GRM8: variants seen among roughly 807,000 people sequenced by gnomAD.
GRM8 encodes metabotropic glutamate receptor 8.
A neutral mutation model predicts 87.2 loss-of-function variants in GRM8; 47 were observed. That is an observed-to-expected ratio of 0.54 (90% confidence interval 0.43 to 0.69). The LOEUF is 0.69. Among genes scored for constraint, GRM8 ranks in the 30% least tolerant of loss-of-function variants. GRM8 has a pLI of 0.00. For synonymous variants in GRM8, 396 were observed against 404.5 expected, an observed-to-expected ratio of 0.98 and a Z score of 0.25; for missense variants, 1,019 against 1,139.2, an observed-to-expected ratio of 0.89 and a Z score of 1.52.
chr7:127,015,001 A>AAAGAAGAAGAAGAAGAAG (rs538403014), intron 3 of GRM8, among the ~76,000 whole-genome samples: 4 of 59,702 alleles, frequency 6.7e-5, no homozygotes, highest in East Asian at 4.9e-4. Context: ...GAAGAAGAAG[A>AAAGAAGAAGAAGAAGAAG]AAGAAGAAGA....
intron 6 of GRM8, among the ~76,000 whole-genome samples, chr7:126,794,953 C>T (rs1385790405): frequency 1.3e-5 from 2 of 152,176 alleles, no homozygotes; most frequent in Non-Finnish European, 2.9e-5. Flanking sequence ...GGTCAGACCT[C>T]AGCCCAGAGC....
intron 8 of GRM8, among the ~76,000 whole-genome samples, chr7:126,606,536 C>T (rs545151178): frequency 6.6e-6 from 1 of 152,268 alleles, no homozygotes; most frequent in Admixed American, 6.5e-5. Flanking sequence ...TTGCCAAGCA[C>T]TCTACTACTC....
chr7:127,150,958 G>GT (rs1387244012), intron 2 of GRM8, among the ~76,000 whole-genome samples: 1 of 152,036 alleles, frequency 6.6e-6, no homozygotes. Flanking sequence ...GAAGGTTGTT[G>GT]TTTTTTTGTT....
chr7:126,850,819 G>T (rs919498236), intron 6 of GRM8, among the ~76,000 whole-genome samples: 24 of 152,106 alleles, frequency 1.6e-4, no homozygotes, highest in African/African-American at 5.1e-4. Flanking sequence ...CCCAATGTTG[G>T]TGTTCAATGC....
intron 3 of GRM8, among the ~76,000 whole-genome samples, chr7:126,949,560 A>T (rs1200132493): frequency 6.6e-6 from 1 of 152,230 alleles, no homozygotes; most frequent in African/African-American, 2.4e-5. Flanking sequence ...CTGTCCTCGA[A>T]TATCTCCATG....
chr7:126,673,401 C>A (rs1477175365), intron 7 of GRM8, among the ~76,000 whole-genome samples: 1 of 152,148 alleles, frequency 6.6e-6, no homozygotes, highest in African/African-American at 2.4e-5. Flanking sequence ...GATGTATACA[C>A]AGGTGTCTTG....
At chr7:127,239,295 AT>A (rs1394599904) in intron 2 of GRM8, among the ~76,000 whole-genome samples, 1 of 152,222 alleles carries the variant, frequency 6.6e-6, no homozygotes, top group African/African-American at 2.4e-5. Flanking sequence ...TAAAACCCCA[AT>A]TTATGTTTAT....
chr7:127,198,470 G>C (rs1054771496), intron 2 of GRM8, among the ~76,000 whole-genome samples: 4 of 152,148 alleles, frequency 2.6e-5, no homozygotes, highest in African/African-American at 9.7e-5. Flanking sequence ...TTGTACAGCT[G>C]CTGGGAAGGC....
At chr7:126,560,336 CAGAAA>C (rs576684767) in intron 8 of GRM8, among the ~76,000 whole-genome samples, 2 of 152,136 alleles carry the variant, frequency 1.3e-5, no homozygotes, top group African/African-American at 4.8e-5. Context: ...AATGGAAACT[CAGAAA>C]AGAATAGAGA....
chr7:127,239,307 T>C (rs1439994649), intron 2 of GRM8, among the ~76,000 whole-genome samples: 1 of 152,240 alleles, frequency 6.6e-6, no homozygotes, highest in African/African-American at 2.4e-5. Flanking sequence ...TTATGTTTAT[T>C]GTTGAGTAGG....
At chr7:126,557,334 C>T (rs950216691) in intron 8 of GRM8, among the ~76,000 whole-genome samples, 17 of 152,202 alleles carry the variant, frequency 1.1e-4, no homozygotes, top group African/African-American at 4.1e-4. Context: ...ATGTATCTGA[C>T]AGAGACGGGC....
At chr7:126,854,647 T>C (rs999155371) in intron 6 of GRM8, among the ~76,000 whole-genome samples, 1 of 152,236 alleles carries the variant, frequency 6.6e-6, no homozygotes, top group Non-Finnish European at 1.5e-5. Flanking sequence ...TAAGATTACT[T>C]CATTCTTAGC....
intron 8 of GRM8, among the ~76,000 whole-genome samples, chr7:126,589,780 C>G (rs10246439): frequency 0.036 from 5,541 of 152,198 alleles, 270 homozygotes; most frequent in African/African-American, 0.11. Context: ...GACTAAGAGA[C>G]AGAAAGATGG....
chr7:126,906,114 T>C (rs1370140890), intron 3 of GRM8, among the ~76,000 whole-genome samples: 1 of 152,120 alleles, frequency 6.6e-6, no homozygotes, highest in Non-Finnish European at 1.5e-5. Context: ...TCCTTATGAA[T>C]GGGATTAGTG....
chr7:126,517,102 T>A lies in GRM8; in HGVS notation c.2430+15850A>T, dbSNP rs149013174. 4.3e-4 allele frequency among the ~76,000 whole-genome samples: 65 copies of A among 152,224 alleles called. 2 individuals are homozygous for A. The highest frequency in any genetic ancestry group is 1.4e-3 in the African/African-American group (60 of 41,564). On this transcript the variant is annotated intron_variant, in intron 9 of 10. Transcript: ENST00000339582. The stretch of plus-strand genomic sequence containing the variant: ...TTGGGCTCAATTCCATTAAATCACA[T>A]GAAAATATGAAACATTTTGTGTCTG...
intron 8 of GRM8, among the ~76,000 whole-genome samples, chr7:126,599,205 T>C (rs1253069589): frequency 6.6e-6 from 1 of 152,130 alleles, no homozygotes; most frequent in Non-Finnish European, 1.5e-5. Flanking sequence ...GAATTTTATC[T>C]GGGTCACATA....
chr7:126,608,032 C>T (rs1798538239), intron 8 of GRM8, among the ~76,000 whole-genome samples: 1 of 151,952 alleles, frequency 6.6e-6, no homozygotes, highest in African/African-American at 2.4e-5. Flanking sequence ...CCATACTTCT[C>T]TATACTTAAA....
chr7:126,745,314 T>C (rs1011117848), intron 7 of GRM8, among the ~76,000 whole-genome samples: 1 of 151,544 alleles, frequency 6.6e-6, no homozygotes, highest in Non-Finnish European at 1.5e-5. Flanking sequence ...ACGCCAGATA[T>C]AGTGGAAGAA....
intron 7 of GRM8, among the ~76,000 whole-genome samples, chr7:126,746,320 T>C (rs553272067): frequency 6.6e-6 from 1 of 151,788 alleles, no homozygotes; most frequent in South Asian, 2.1e-4. Flanking sequence ...GTATGTTCCC[T>C]AACATTACAA....
Sources: allele counts gnomAD v4.1 joint callset (sites outside exome capture counted in the v4.1 genomes callset), GRCh38; gene constraint gnomAD v4.1.1; transcripts MANE v1.5; gene names NCBI Gene and HGNC (gene_info 2026-07-23, HGNC 2026-07-21).